Variants in TSC22D3 observed in about 807,000 individuals in gnomAD.
The protein encoded by TSC22D3 is TSC22 domain family protein 3.
In TSC22D3, 4 loss-of-function variants were observed where a neutral mutation model predicts 11.1. That is an observed-to-expected ratio of 0.36 (90% CI 0.18 to 0.83). The LOEUF (loss-of-function observed/expected upper bound fraction) is 0.83. TSC22D3 is among the 40% of genes least tolerant of loss of function. The pLI is 0.48. For synonymous variants in TSC22D3, 77 were observed against 70.3 expected (o/e 1.10, Z -0.48); for missense variants, 118 against 159.4 (o/e 0.74, Z 1.40).
At position 107,775,689 on chromosome X, in the gene TSC22D3, T is replaced by A; in HGVS notation, c.-270A>T. 4.3e-6 allele frequency: 1 copy of A among 233,137 alleles called. No homozygotes were observed. The highest frequency in any genetic ancestry group is 7.7e-6 in the Non-Finnish European group (1 of 130,296). 19.2% of individuals were successfully genotyped at this position (233,137 alleles called of 1,213,427 possible). On this transcript the variant is annotated 5_prime_UTR_variant, in exon 1 of 3. Transcript: ENST00000372383. ...CTCTTCCTCCTTCTCCTCCCCCTCC[T>A]CTTGAGGCCGGGGGCCGCCCCCCTG...
intron 1 of TSC22D3, among the ~76,000 whole-genome samples, chrX:107,725,216 T>C (rs1489173530): frequency 8.9e-6 from 1 of 112,631 alleles, no homozygotes; most frequent in Non-Finnish European, 1.9e-5. Context: ...GTTCAAATAC[T>C]TCAGTATGAA....
Position 107,775,584 on chromosome X carries a change from C to T in TSC22D3, c.-165G>A, listed in dbSNP as rs1930101858. ...AGCCAGCCACCTTCGGCTCGGCCCC[C>T]TTCTGGCTGTACTGCTCCGGGTGCG... On this transcript the variant is annotated 5_prime_UTR_variant, in exon 1 of 3. Coordinates refer to ENST00000372383, the MANE Select transcript of TSC22D3 (RefSeq NM_198057.3). 4.6e-6 allele frequency: 2 copies of T among 430,191 alleles called. No homozygotes were observed. Among genetic ancestry groups the T allele is most frequent in the Non-Finnish European group, 8.0e-6 (2 of 250,190 alleles). The allele number at this position is 430,191 out of a possible 1,213,427, so 35.5% of individuals were successfully genotyped here. A position where few individuals can be genotyped will look rare whatever the true frequency, so the allele number is the denominator to read the frequency against.
chrX:107,736,915 C>T (rs970897603), intron 1 of TSC22D3, among the ~76,000 whole-genome samples: 2 of 111,879 alleles, frequency 1.8e-5, no homozygotes, highest in African/African-American at 6.5e-5. Flanking sequence ...AAAGTCATAG[C>T]CTCTCCAATT....
Position 107,713,354 on chromosome X carries a change from C to G in TSC22D3, c.*1165G>C, listed in dbSNP as rs1342346100. ...AAAGTGTTCACTCTCACAAAACCCG[C>G]TACAGACAAGCTTTCTGGGCACACC... On this transcript the variant is annotated 3_prime_UTR_variant, in exon 3 of 3. Transcript: ENST00000372383. 8.9e-6 allele frequency: 1 copy of G among 112,454 alleles called. No homozygotes were observed. The highest frequency in any genetic ancestry group is 1.9e-5 in the Non-Finnish European group (1 of 53,242). The allele number at this position is 112,454 out of a possible 1,213,427, so 9.3% of individuals were successfully genotyped here.
At chrX:107,725,373 C>G (rs765004743) in intron 1 of TSC22D3, among the ~76,000 whole-genome samples, 16 of 111,958 alleles carry the variant, frequency 1.4e-4, no homozygotes, top group Non-Finnish European at 2.8e-4. Context: ...GGCTGCAGCC[C>G]TAGCATGTCT....
At chrX:107,769,715 T>TCACACACACACA (rs748668681) in intron 1 of TSC22D3, among the ~76,000 whole-genome samples, 30 of 101,520 alleles carry the variant, frequency 3.0e-4, no homozygotes, top group African/African-American at 1.0e-3. Context: ...TCTTTCTCTT[T>TCACACACACACA]CACACACACA....
At chrX:107,773,418 C>G (rs910126093) in intron 1 of TSC22D3, among the ~76,000 whole-genome samples, 15 of 111,494 alleles carry the variant, frequency 1.3e-4, no homozygotes, top group African/African-American at 4.6e-4. Flanking sequence ...TTCTACTACC[C>G]CTCCCCCACT....
At chrX:107,715,639 A>G (rs1268624876) in intron 2 of TSC22D3, 4 of 425,638 alleles carry the variant, frequency 9.4e-6, no homozygotes, top group South Asian at 3.1e-5. Context: ...CAACAGGCCC[A>G]GGAGAGAGTC....
At position 107,759,321 on chromosome X, in the gene TSC22D3, TTCAGTG is replaced by T. The variant is rs1929326707; in HGVS notation, c.320+15773_320+15778del. The stretch of plus-strand genomic sequence containing the variant: ...CCAATACCATTCTGACATTCTGGGG[TTCAGTG>T]ACTTATTCATTCAAGTTTCCATGCA... On this transcript the variant is annotated intron_variant, in intron 1 of 2. Coordinates refer to ENST00000372383, the MANE Select transcript of TSC22D3 (RefSeq NM_198057.3). Among the ~76,000 whole-genome samples, 3 of 111,187 alleles carry T rather than the reference TTCAGTG, an allele frequency of 2.7e-5. No homozygotes were observed. In the South Asian group the frequency reaches 1.1e-3, roughly 42 times the overall value.
chrX:107,720,105 C>A (rs1022009873), intron 1 of TSC22D3, among the ~76,000 whole-genome samples: 17 of 109,949 alleles, frequency 1.5e-4, no homozygotes, highest in Non-Finnish European at 2.7e-4. Flanking sequence ...CCCCACTCAC[C>A]GGCAACTCTT....
chrX:107,722,543 A>T (rs766923507), intron 1 of TSC22D3, among the ~76,000 whole-genome samples: 35 of 112,401 alleles, frequency 3.1e-4, no homozygotes, highest in Admixed American at 1.2e-3. Flanking sequence ...CCATGTCAGC[A>T]GGACTGGAAG....
Position 107,726,430 on chromosome X carries a change from G to A in TSC22D3, c.321-10480C>T, listed in dbSNP as rs1003707137. Reference sequence around the variant, plus strand: ...GCTCCTTGAGACATTCAGTGTTGGGGGTGGGGTTGAAATAAAAAGATATTT... The same window carrying A: ...GCTCCTTGAGACATTCAGTGTTGGGAGTGGGGTTGAAATAAAAAGATATTT... On this transcript the variant is annotated intron_variant, in intron 1 of 2. Transcript: ENST00000372383. Among the ~76,000 whole-genome samples the A allele has an allele frequency of 3.6e-5, 4 of 111,280 alleles. No homozygotes were observed. In the Admixed American group the frequency reaches 3.8e-4, roughly 11 times the overall value.
chrX:107,731,333 GT>G (rs1267082107), intron 1 of TSC22D3, among the ~76,000 whole-genome samples: 1 of 111,915 alleles, frequency 8.9e-6, no homozygotes, highest in Non-Finnish European at 1.9e-5. Context: ...CACTGGAATA[GT>G]AGTCAGGAAA....
chrX:107,766,120 T>C (rs562880752), intron 1 of TSC22D3, among the ~76,000 whole-genome samples: 76 of 112,241 alleles, frequency 6.8e-4, no homozygotes, highest in African/African-American at 2.3e-3. Flanking sequence ...GAAGAGGAGC[T>C]ATTGGTTTAG....
intron 1 of TSC22D3, among the ~76,000 whole-genome samples, chrX:107,760,557 A>G (rs934695406): frequency 3.6e-5 from 4 of 110,397 alleles, no homozygotes; most frequent in Admixed American, 2.9e-4. Flanking sequence ...GGCTGAGAAA[A>G]CTCCTACCAG....
intron 1 of TSC22D3, among the ~76,000 whole-genome samples, chrX:107,748,985 C>T (rs1444141358): frequency 1.8e-5 from 2 of 111,269 alleles, no homozygotes; most frequent in African/African-American, 6.5e-5. Flanking sequence ...GCTTAGCATC[C>T]TCCCCTACTG....
At chrX:107,751,226 T>C (rs990446421) in intron 1 of TSC22D3, among the ~76,000 whole-genome samples, 4 of 111,903 alleles carry the variant, frequency 3.6e-5, no homozygotes, top group Non-Finnish European at 7.5e-5. Flanking sequence ...GTCGTTATGT[T>C]GACCCAGACA....
chrX:107,732,649 G>C (rs1485124831), intron 1 of TSC22D3, among the ~76,000 whole-genome samples: 1 of 111,617 alleles, frequency 9.0e-6, no homozygotes, highest in Non-Finnish European at 1.9e-5. Flanking sequence ...AGTTGGGAGA[G>C]AGAGAGAGAT....
intron 1 of TSC22D3, 125 bp downstream of exon 1, chrX:107,774,975 G>T: frequency 1.3e-6 from 1 of 793,479 alleles, no homozygotes; most frequent in Non-Finnish European, 1.8e-6. Context: ...AGTCACTGTA[G>T]CCTGAGTCAG....
Sources: gnomAD v4.1 joint callset for allele counts (sites outside exome capture counted in the v4.1 genomes callset) on GRCh38, gnomAD v4.1.1 for gene constraint, MANE v1.5 for transcripts, NCBI Gene and HGNC (gene_info 2026-07-23, HGNC 2026-07-21) for gene names.